Variants in CNTN3 observed in about 807,000 individuals in gnomAD.
CNTN3 encodes contactin-3.
In CNTN3, 60 loss-of-function variants were observed where a neutral mutation model predicts 119.1. The ratio of observed to expected loss-of-function variants is 0.50; its 90% CI spans 0.41 to 0.62. CNTN3 has a LOEUF of 0.62. Among genes scored for constraint, CNTN3 ranks in the 20% least tolerant of loss-of-function variants. The pLI is 0.00. For synonymous variants in CNTN3, 450 were observed against 438.7 expected (o/e 1.03, Z -0.32); for missense variants, 1,101 against 1,242.4 (o/e 0.89, Z 1.71).
intron 5 of CNTN3, among the ~76,000 whole-genome samples, chr3:74,418,342 C>CTTTTTTTTTTTTTTTTTTTT (rs56258495): frequency 2.0e-5 from 2 of 99,632 alleles, no homozygotes; most frequent in African/African-American, 3.9e-5. Flanking sequence ...AAACATATTC[C>CTTTTTTTTTTTTTTTTTTTT]TTTTTTTTTT....
At chr3:74,611,667 T>C (rs1040419767) in intron 1 of CNTN3, among the ~76,000 whole-genome samples, 1 of 152,184 alleles carries the variant, frequency 6.6e-6, no homozygotes, top group Non-Finnish European at 1.5e-5. Flanking sequence ...ATATTCTCCA[T>C]TGCACTTTTT....
At chr3:74,304,820 AT>A (rs1414367532) in intron 13 of CNTN3, among the ~76,000 whole-genome samples, 6 of 152,312 alleles carry the variant, frequency 3.9e-5, no homozygotes, top group Admixed American at 1.3e-4. Flanking sequence ...AACAAGTAGA[AT>A]TGGAAATGAT....
At chr3:74,487,493 T>C (rs1431234664) in intron 3 of CNTN3, among the ~76,000 whole-genome samples, 2 of 152,184 alleles carry the variant, frequency 1.3e-5, no homozygotes, top group African/African-American at 4.8e-5. Context: ...ACAATGGTCA[T>C]ATCAATTATT....
At chr3:74,404,448 T>A (rs886951432) in intron 5 of CNTN3, among the ~76,000 whole-genome samples, 1 of 152,102 alleles carries the variant, frequency 6.6e-6, no homozygotes, top group African/African-American at 2.4e-5. Context: ...ACCAAATCAC[T>A]TCTATGCTTA....
intron 1 of CNTN3, among the ~76,000 whole-genome samples, chr3:74,527,242 G>C (rs1703633166): frequency 1.3e-5 from 2 of 151,930 alleles, no homozygotes; most frequent in African/African-American, 4.8e-5. Flanking sequence ...TGAGGTTACT[G>C]TTGAAAAATT....
intron 3 of CNTN3, among the ~76,000 whole-genome samples, chr3:74,493,982 A>T (rs1575780527): frequency 6.6e-6 from 1 of 152,178 alleles, no homozygotes; most frequent in East Asian, 1.9e-4. Flanking sequence ...CCACATTGGG[A>T]TTAAAAACAA....
intron 8 of CNTN3, among the ~76,000 whole-genome samples, chr3:74,368,858 C>G (rs1251114316): frequency 6.6e-6 from 1 of 150,854 alleles, no homozygotes; most frequent in African/African-American, 2.4e-5. Context: ...AACCTGTTTT[C>G]TAGAGGAGAA....
chr3:74,301,247 G>A, intron 16 of CNTN3, 151 bp downstream of exon 16: 1 of 751,110 alleles, frequency 1.3e-6, no homozygotes, highest in Admixed American at 2.5e-5. Flanking sequence ...TTTGACAAAT[G>A]CCATATGGCC....
At chr3:74,363,089 C>A (rs1704112517) in intron 10 of CNTN3, among the ~76,000 whole-genome samples, 1 of 152,176 alleles carries the variant, frequency 6.6e-6, no homozygotes, top group Non-Finnish European at 1.5e-5. Flanking sequence ...AACTATGGCT[C>A]ATCAGCTTAA....
rs149071598 is a variant in CNTN3, at chr3:74,295,143, T to C, written c.2495A>G (p.Asn832Ser). ...SWNTIPWKLSNGHLLGYEVRY... is the reference protein window; with the variant it reads ...SWNTIPWKLSSGHLLGYEVRY... ...TACCTCATAGCCCAGTAAATGTCCA[T>C]TGCTCAACTTCCAAGGAATGGTGTT... is the stretch of plus-strand genomic sequence containing the variant. Residue 832 changes from asparagine (N) to serine (S), a missense_variant, in exon 19 of 23, where the codon AAT (asparagine) becomes AGT (serine). Asn to Ser is a conservative substitution (Grantham distance 46). Coordinates refer to ENST00000263665, the MANE Select transcript of CNTN3 (RefSeq NM_020872.3). 76 of 1,610,708 alleles carry C rather than the reference T, an allele frequency of 4.7e-5. No homozygotes were observed. The highest frequency in any genetic ancestry group is 3.3e-5 in the Admixed American group (2 of 59,974).
intron 13 of CNTN3, among the ~76,000 whole-genome samples, chr3:74,303,213 T>C (rs1702493044): frequency 6.6e-6 from 1 of 152,078 alleles, no homozygotes; most frequent in East Asian, 1.9e-4. Flanking sequence ...GAGGGACACA[T>C]GTGGGTATCT....
intron 20 of CNTN3, among the ~76,000 whole-genome samples, chr3:74,284,264 G>A (rs771077960): frequency 4.6e-5 from 7 of 152,090 alleles, no homozygotes; most frequent in Non-Finnish European, 7.4e-5. Context: ...ACAGAAATGC[G>A]TCAATGAAAT....
chr3:74,471,024 G>A (rs1055243248), intron 4 of CNTN3, among the ~76,000 whole-genome samples: 1 of 151,904 alleles, frequency 6.6e-6, no homozygotes, highest in African/African-American at 2.4e-5. Flanking sequence ...CTACAGGCAC[G>A]TGCCACCACG....
chr3:74,306,565 A>G (rs990447330), intron 13 of CNTN3, among the ~76,000 whole-genome samples: 8 of 152,190 alleles, frequency 5.3e-5, no homozygotes, highest in Middle Eastern at 3.4e-3. Context: ...TCTTCTCCTC[A>G]TATCTCTATT....
intron 5 of CNTN3, among the ~76,000 whole-genome samples, chr3:74,379,683 G>A (rs1476133180): frequency 1.3e-5 from 2 of 152,028 alleles, no homozygotes; most frequent in African/African-American, 4.8e-5. Flanking sequence ...CTTTCGGTGG[G>A]ACTGACTACC....
intron 4 of CNTN3, among the ~76,000 whole-genome samples, chr3:74,446,790 C>A (rs1235855111): frequency 6.7e-6 from 1 of 148,494 alleles, no homozygotes; most frequent in Non-Finnish European, 1.5e-5. Flanking sequence ...GAGTATTTTA[C>A]TTCTGGAAGC....
At chr3:74,547,186 G>A (rs1222776303) in intron 1 of CNTN3, among the ~76,000 whole-genome samples, 1 of 152,140 alleles carries the variant, frequency 6.6e-6, no homozygotes, top group Admixed American at 6.5e-5. Flanking sequence ...TTGAGGGTTT[G>A]TCAGTGGTTT....
intron 13 of CNTN3, among the ~76,000 whole-genome samples, chr3:74,323,133 T>C (rs1242626246): frequency 6.6e-6 from 1 of 152,158 alleles, no homozygotes; most frequent in Non-Finnish European, 1.5e-5. Context: ...CAATGTAAAC[T>C]ATTAACTTGG....
At chr3:74,320,896 A>G (rs1164323344) in intron 13 of CNTN3, among the ~76,000 whole-genome samples, 2 of 151,902 alleles carry the variant, frequency 1.3e-5, no homozygotes, top group Admixed American at 6.6e-5. Context: ...TATATCCTCA[A>G]CTGGGCACAG....
Sources: allele counts gnomAD v4.1 joint callset (sites outside exome capture counted in the v4.1 genomes callset), GRCh38; gene constraint gnomAD v4.1.1; transcripts MANE v1.5; gene names NCBI Gene and HGNC (gene_info 2026-07-23, HGNC 2026-07-21).